FBXL17: variants seen among roughly 807,000 people sequenced by gnomAD.
The protein encoded by FBXL17 is F-box and leucine rich repeat protein 17.
In FBXL17, 22 loss-of-function variants were observed where a neutral mutation model predicts 66.2. The ratio of observed to expected loss-of-function variants is 0.33; its 90% CI spans 0.24 to 0.47. The LOEUF is 0.47. Ranked by LOEUF, FBXL17 falls within the 20% of genes least tolerant of loss-of-function variation. The probability of loss-of-function intolerance (pLI) is 1.00; values close to 1 mark genes in which losing one functional copy is unlikely to be tolerated. For synonymous variants in FBXL17, 474 were observed against 400.5 expected, an observed-to-expected ratio of 1.18 and a Z score of -2.19; for missense variants, 878 against 948.2, an observed-to-expected ratio of 0.93 and a Z score of 0.97.
At chr5:108,334,775 A>G (rs1760297462) in intron 4 of FBXL17, among the ~76,000 whole-genome samples, 1 of 152,238 alleles carries the variant, frequency 6.6e-6, no homozygotes, top group African/African-American at 2.4e-5. Flanking sequence ...TTGTAATTCA[A>G]CTATAAAGCT....
At chr5:108,362,866 T>C (rs1476964934) in intron 3 of FBXL17, among the ~76,000 whole-genome samples, 3 of 152,024 alleles carry the variant, frequency 2.0e-5, no homozygotes, top group African/African-American at 7.2e-5. Flanking sequence ...ATCAATAAAA[T>C]TTACATATAT....
intron 4 of FBXL17, among the ~76,000 whole-genome samples, chr5:108,295,741 G>A (rs1758320145): frequency 6.6e-6 from 1 of 151,890 alleles, no homozygotes; most frequent in Non-Finnish European, 1.5e-5. Context: ...AATTCTTAAA[G>A]TAACACTTCA....
intron 7 of FBXL17, among the ~76,000 whole-genome samples, chr5:107,901,021 T>A (rs1275776049): frequency 6.6e-6 from 1 of 152,194 alleles, no homozygotes. Context: ...TTACTGAGTA[T>A]ATCATCACAT....
chr5:108,344,711 G>C (rs1392566827), intron 4 of FBXL17, among the ~76,000 whole-genome samples: 1 of 152,170 alleles, frequency 6.6e-6, no homozygotes, highest in Non-Finnish European at 1.5e-5. Flanking sequence ...CCAAAAAGTA[G>C]AGAAGCAGAA....
intron 4 of FBXL17, among the ~76,000 whole-genome samples, chr5:108,336,442 T>C (rs1024677227): frequency 1.3e-5 from 2 of 152,150 alleles, no homozygotes; most frequent in Non-Finnish European, 2.9e-5. Flanking sequence ...ATCAAGTAGT[T>C]AAAGTATGAC....
intron 7 of FBXL17, among the ~76,000 whole-genome samples, chr5:107,972,295 G>A (rs1202631468): frequency 6.6e-6 from 1 of 152,162 alleles, no homozygotes; most frequent in African/African-American, 2.4e-5. Flanking sequence ...TAATATAAAT[G>A]GTGTAAATGT....
chr5:108,365,714 G>GAA (rs1308296591), intron 2 of FBXL17, among the ~76,000 whole-genome samples: 2 of 152,188 alleles, frequency 1.3e-5, no homozygotes, highest in East Asian at 3.9e-4. Flanking sequence ...TCTGAAGTGT[G>GAA]GGTAGTCTTG....
intron 7 of FBXL17, among the ~76,000 whole-genome samples, chr5:107,893,977 A>G (rs957417672): frequency 1.3e-5 from 2 of 152,192 alleles, no homozygotes; most frequent in African/African-American, 2.4e-5. Context: ...TGGACATAAC[A>G]TTAACAGTTG....
intron 6 of FBXL17, among the ~76,000 whole-genome samples, chr5:108,165,549 G>A (rs1406973865): frequency 1.3e-5 from 2 of 152,182 alleles, no homozygotes; most frequent in South Asian, 2.1e-4. Flanking sequence ...AGAAAGGCAA[G>A]GGAGTAGCTG....
chr5:107,905,162 G>C lies in FBXL17; in HGVS notation c.1823-23983C>G, dbSNP rs556922860. Among the ~76,000 whole-genome samples the C allele has an allele frequency of 7.2e-4, 110 of 152,190 alleles. 1 individual carries two copies. Among genetic ancestry groups the C allele is most frequent in the African/African-American group, 2.6e-3 (107 of 41,536 alleles). On this transcript the variant is annotated intron_variant, in intron 7 of 8. Coordinates refer to ENST00000542267, the MANE Select transcript of FBXL17 (RefSeq NM_001163315.3). Reference sequence around the variant, plus strand: ...AAAATTATTGCTCTATAGTCTAAGAGATGAGAAAAATTTGAATAGATGAGA... The same window carrying C: ...AAAATTATTGCTCTATAGTCTAAGACATGAGAAAAATTTGAATAGATGAGA...
intron 7 of FBXL17, among the ~76,000 whole-genome samples, chr5:107,996,215 T>C (rs1453179863): frequency 6.6e-6 from 1 of 152,190 alleles, no homozygotes; most frequent in African/African-American, 2.4e-5. Flanking sequence ...CCTTCCTTTC[T>C]CTACCAGCCT....
chr5:108,163,387 ACTTTTTTTTTT>A (rs1752286433), intron 6 of FBXL17, among the ~76,000 whole-genome samples: 1 of 142,324 alleles, frequency 7.0e-6, no homozygotes, highest in Non-Finnish European at 1.5e-5. Context: ...GGACATGAAA[ACTTTTTTTTTT>A]CTTTTTTTTT....
chr5:108,053,745 G>A (rs1015718081), intron 6 of FBXL17, among the ~76,000 whole-genome samples: 2 of 152,134 alleles, frequency 1.3e-5, no homozygotes, highest in Non-Finnish European at 2.9e-5. Flanking sequence ...ATTTGACCCA[G>A]CAATCCCATT....
intron 4 of FBXL17, among the ~76,000 whole-genome samples, chr5:108,305,999 G>C (rs1157151162): frequency 5.3e-5 from 8 of 151,988 alleles, no homozygotes; most frequent in Admixed American, 5.3e-4. Flanking sequence ...TACTGATCTA[G>C]GATACTGTTG....
intron 7 of FBXL17, among the ~76,000 whole-genome samples, chr5:107,956,885 G>A (rs1298506130): frequency 6.6e-6 from 1 of 152,116 alleles, no homozygotes; most frequent in Non-Finnish European, 1.5e-5. Context: ...AAAAAACTAA[G>A]AGAAGCACCA....
chr5:108,342,709 T>C (rs1177148822), intron 4 of FBXL17, among the ~76,000 whole-genome samples: 1 of 152,178 alleles, frequency 6.6e-6, no homozygotes, highest in Non-Finnish European at 1.5e-5. Flanking sequence ...CTCAATTACC[T>C]CACTGGTAAA....
In FBXL17 at chr5:108,167,048, A is replaced by T. The variant is rs75168142; in HGVS notation, c.1745+19069T>A. 4.4e-3 allele frequency among the ~76,000 whole-genome samples: 667 copies of T among 152,342 alleles called. 4 individuals carry two copies. The highest frequency in any genetic ancestry group is 0.015 in the African/African-American group (638 of 41,584). ...ATCTTATTTTATGGCAGCATAAAAT[A>T]TAAGTAGAGATCATTGTGTTTTTTT... On this transcript the variant is annotated intron_variant, in intron 6 of 8. Coordinates refer to ENST00000542267, the MANE Select transcript of FBXL17 (RefSeq NM_001163315.3).
chr5:107,944,700 T>A (rs889254263), intron 7 of FBXL17, among the ~76,000 whole-genome samples: 1 of 152,202 alleles, frequency 6.6e-6, no homozygotes, highest in African/African-American at 2.4e-5. Flanking sequence ...TGTTCTGGAA[T>A]GTCTTTTTTG....
At chr5:108,032,797 T>A (rs1561377178) in intron 6 of FBXL17, among the ~76,000 whole-genome samples, 1 of 152,186 alleles carries the variant, frequency 6.6e-6, no homozygotes, top group Admixed American at 6.5e-5. Context: ...GTTGAGGTAA[T>A]TTTTTACAGT....
Sources: allele counts gnomAD v4.1 joint callset (sites outside exome capture counted in the v4.1 genomes callset), GRCh38; gene constraint gnomAD v4.1.1; transcripts MANE v1.5; gene names NCBI Gene and HGNC (gene_info 2026-07-23, HGNC 2026-07-21).